Variants in ADAM32 observed in about 807,000 individuals in gnomAD.
The protein encoded by ADAM32 is ADAM metallopeptidase domain 32, also known as disintegrin and metalloproteinase domain-containing protein 32.
In ADAM32, 89 loss-of-function variants were observed where a neutral mutation model predicts 114.9. The ratio of observed to expected loss-of-function variants is 0.77; its 90% CI spans 0.65 to 0.92. The LOEUF is 0.92. Ranked by LOEUF, ADAM32 falls within the 40% of genes least tolerant of loss-of-function variation. The probability of loss-of-function intolerance (pLI) is 0.00; values close to 1 mark genes in which losing one functional copy is unlikely to be tolerated. For synonymous variants in ADAM32, 285 were observed against 307.5 expected (o/e 0.93, Z 0.77); for missense variants, 870 against 932.8 (o/e 0.93, Z 0.88).
intron 22 of ADAM32, among the ~76,000 whole-genome samples, chr8:39,279,268 T>C (rs928064642): frequency 3.9e-5 from 6 of 152,250 alleles, no homozygotes; most frequent in African/African-American, 1.4e-4. Context: ...TCTTCTCATT[T>C]TAGCCTTCAT....
At chr8:39,188,139 T>A (rs1806371698) in intron 11 of ADAM32, among the ~76,000 whole-genome samples, 1 of 152,178 alleles carries the variant, frequency 6.6e-6, no homozygotes, top group African/African-American at 2.4e-5. Flanking sequence ...TTAACTCTTA[T>A]GTTCTAAAAA....
chr8:39,201,236 T>G (rs1807379330), intron 11 of ADAM32, among the ~76,000 whole-genome samples: 1 of 152,230 alleles, frequency 6.6e-6, no homozygotes, highest in Non-Finnish European at 1.5e-5. Context: ...TTTCACAATA[T>G]TGATTCTTCC....
intron 2 of ADAM32, among the ~76,000 whole-genome samples, chr8:39,128,213 T>C (rs1802232525): frequency 6.6e-6 from 1 of 152,202 alleles, no homozygotes; most frequent in South Asian, 2.1e-4. Flanking sequence ...CTGTATTGGG[T>C]GCATATATGT....
chr8:39,284,849 G>A lies in ADAM32; in HGVS notation c.*50G>A. ...AACATCGAGAGTCTCGCTAAGAAATGAAAATTCTGTCTTTCCTTCCGTGGT... is the reference window on the plus strand; with the variant it reads ...AACATCGAGAGTCTCGCTAAGAAATAAAAATTCTGTCTTTCCTTCCGTGGT... On this transcript the variant is annotated 3_prime_UTR_variant, in exon 25 of 25. Coordinates refer to ENST00000379907, the MANE Select transcript of ADAM32 (RefSeq NM_145004.7). 6.2e-7 allele frequency: 1 copy of A among 1,604,388 alleles called. No individual in the cohort carries two copies.
intron 16 of ADAM32, among the ~76,000 whole-genome samples, chr8:39,245,078 G>A (rs1331866337): frequency 1.3e-5 from 2 of 151,798 alleles, no homozygotes; most frequent in African/African-American, 2.4e-5. Context: ...AACCCACAGT[G>A]GCTAAGAAAA....
intron 14 of ADAM32, among the ~76,000 whole-genome samples, chr8:39,224,733 T>G (rs1367861235): frequency 1.3e-5 from 2 of 152,182 alleles, no homozygotes; most frequent in Non-Finnish European, 2.9e-5. Context: ...TTTCCTTTGT[T>G]GTGCAAAAGA....
At chr8:39,196,030 G>T (rs755047761) in intron 11 of ADAM32, among the ~76,000 whole-genome samples, 1 of 151,858 alleles carries the variant, frequency 6.6e-6, no homozygotes, top group Non-Finnish European at 1.5e-5. Flanking sequence ...TCTCTGTTTC[G>T]TAGTTTTTGT....
intron 10 of ADAM32, among the ~76,000 whole-genome samples, chr8:39,184,965 C>T (rs972725210): frequency 2.4e-4 from 36 of 152,110 alleles, no homozygotes; most frequent in African/African-American, 8.2e-4. Flanking sequence ...CACTCCTGGT[C>T]CCAATGTTCC....
In ADAM32 at chr8:39,109,560, A is replaced by T. The variant is rs1046240785; in HGVS notation, c.58+1727A>T. ...AAAACTCCATCTCAAAAAATAAAATAAAAAAAAAATATTAATGAACATTAT... is the reference window on the plus strand; with the variant it reads ...AAAACTCCATCTCAAAAAATAAAATTAAAAAAAAATATTAATGAACATTAT... On this transcript the variant is annotated intron_variant, in intron 1 of 24. Transcript: ENST00000379907. Among the ~76,000 whole-genome samples the T allele has an allele frequency of 8.7e-5, 13 of 149,940 alleles. No homozygotes were observed. The East Asian group carries it at 1.7e-3, about 20-fold the overall frequency.
In ADAM32 at chr8:39,173,357, C is replaced by T. The variant is rs542330206; in HGVS notation, c.915+3360C>T. ...TGTTGTTTCTTGACTTTTTAATAAT[C>T]GCCATTCTGACTGGAGTGAGGTGGT... On this transcript the variant is annotated intron_variant, in intron 10 of 24. Transcript: ENST00000379907. 5.3e-5 allele frequency among the ~76,000 whole-genome samples: 8 copies of T among 152,164 alleles called. No individual in the cohort carries two copies. In the East Asian group the frequency reaches 1.5e-3, roughly 29 times the overall value.
chr8:39,112,489 A>G (rs1483043189), intron 1 of ADAM32, among the ~76,000 whole-genome samples: 2 of 152,154 alleles, frequency 1.3e-5, no homozygotes, highest in Non-Finnish European at 2.9e-5. Flanking sequence ...AGTTTCCCAT[A>G]CTTTCTTAAA....
chr8:39,134,330 C>T (rs568729828), intron 2 of ADAM32, among the ~76,000 whole-genome samples: 10 of 151,926 alleles, frequency 6.6e-5, no homozygotes, highest in South Asian at 2.1e-4. Flanking sequence ...AGGCAGGGCC[C>T]GTGAAGGCTC....
intron 3 of ADAM32, among the ~76,000 whole-genome samples, chr8:39,146,032 G>C (rs889324470): frequency 6.6e-6 from 1 of 152,054 alleles, no homozygotes; most frequent in Non-Finnish European, 1.5e-5. Flanking sequence ...CCGCCTGGCT[G>C]CTTCAGAGTA....
chr8:39,178,963 G>A (rs1018032191), intron 10 of ADAM32, among the ~76,000 whole-genome samples: 1 of 152,120 alleles, frequency 6.6e-6, no homozygotes, highest in Non-Finnish European at 1.5e-5. Context: ...ACTCCTGTAG[G>A]TGATATCTGT....
At chr8:39,221,383 A>G in intron 12 of ADAM32, 1 of 448,916 alleles carries the variant, frequency 2.2e-6, no homozygotes, top group Non-Finnish European at 4.0e-6. Flanking sequence ...TAAGTAGAGA[A>G]TATAGTCCAG....
chr8:39,261,369 A>G (rs530961230), intron 19 of ADAM32, among the ~76,000 whole-genome samples: 1 of 152,292 alleles, frequency 6.6e-6, no homozygotes, highest in East Asian at 1.9e-4. Context: ...CTTCAGTTGC[A>G]TCTGTGTTGT....
At chr8:39,244,965 G>A (rs1810809509) in intron 16 of ADAM32, among the ~76,000 whole-genome samples, 1 of 152,076 alleles carries the variant, frequency 6.6e-6, no homozygotes, top group East Asian at 1.9e-4. Flanking sequence ...TCATGAACAA[G>A]AACCCAAAAG....
rs1802294794 is a variant in ADAM32, at chr8:39,129,175, G to A, written c.139-7482G>A. ...TGGGAGTTTCTACAAACAGGATCAT[G>A]CCACTGCAAATACAGCATTATCCTG... On this transcript the variant is annotated intron_variant, in intron 2 of 24. Coordinates refer to ENST00000379907, the MANE Select transcript of ADAM32 (RefSeq NM_145004.7). Among the ~76,000 whole-genome samples the A allele has an allele frequency of 2.1e-5, 3 of 144,002 alleles. No homozygotes were observed. In the Admixed American group the frequency reaches 2.1e-4, roughly 10 times the overall value. The allele number at this position is 144,002 out of a possible 152,430, so 94.5% of individuals were successfully genotyped here.
chr8:39,185,062 C>T (rs1167973147), intron 10 of ADAM32, among the ~76,000 whole-genome samples: 6 of 152,066 alleles, frequency 3.9e-5, no homozygotes, highest in Admixed American at 2.6e-4. Context: ...GTCAGGAGTT[C>T]GAGACCAGCC....
Sources: allele counts gnomAD v4.1 joint callset (sites outside exome capture counted in the v4.1 genomes callset), GRCh38; gene constraint gnomAD v4.1.1; transcripts MANE v1.5; gene names NCBI Gene and HGNC (gene_info 2026-07-23, HGNC 2026-07-21).